Variants in PLAAT1 observed in about 807,000 individuals in gnomAD.
The protein encoded by PLAAT1 is phospholipase A and acyltransferase 1, also known as H-REV107 protein-related protein.
PLAAT1 carries 13 observed loss-of-function variants against 16.4 expected under a neutral mutation model. The ratio of observed to expected loss-of-function variants is 0.79; its 90% CI spans 0.52 to 1.26. The LOEUF is 1.26. PLAAT1 is among the 50% of genes most tolerant of loss of function. The probability of loss-of-function intolerance (pLI) is 0.00; values close to 1 mark genes in which losing one functional copy is unlikely to be tolerated. For missense variants in PLAAT1, 218 were observed against 207.8 expected (o/e 1.05, Z -0.30); for synonymous variants, 73 against 78.4 (o/e 0.93, Z 0.36).
intron 3 of PLAAT1, 73 bp downstream of exon 3, chr3:193,263,308 T>C: frequency 7.1e-7 from 1 of 1,413,072 alleles, no homozygotes; most frequent in Non-Finnish European, 9.6e-7. Flanking sequence ...TTCCCAGGCC[T>C]CAAACCAAAT....
At chr3:193,251,176 T>C (rs113396955) in intron 1 of PLAAT1, among the ~76,000 whole-genome samples, 10 of 152,128 alleles carry the variant, frequency 6.6e-5, no homozygotes, top group African/African-American at 2.4e-4. Context: ...TTCACTCTCA[T>C]GAGAGATTGC....
At chr3:193,245,119 A>G (rs558043255) in intron 1 of PLAAT1, among the ~76,000 whole-genome samples, 1 of 152,342 alleles carries the variant, frequency 6.6e-6, no homozygotes, top group Admixed American at 6.5e-5. Context: ...GTCAACATGC[A>G]GTGCAATAAA....
intron 3 of PLAAT1, among the ~76,000 whole-genome samples, chr3:193,265,887 C>T (rs929411437): frequency 2.6e-5 from 4 of 151,980 alleles, no homozygotes; most frequent in South Asian, 2.1e-4. Context: ...AGGTTCCATT[C>T]CTCTTCTTCT....
chr3:193,263,647 G>A (rs1716673038), intron 3 of PLAAT1, among the ~76,000 whole-genome samples: 1 of 152,138 alleles, frequency 6.6e-6, no homozygotes, highest in Admixed American at 6.5e-5. Flanking sequence ...ATTTTTCATT[G>A]GTGGACAGAG....
At chr3:193,279,537 T>G, downstream of PLAAT1, 1 of 1,074,584 alleles carries the variant, frequency 9.3e-7, no homozygotes, top group Non-Finnish European at 1.4e-6. Flanking sequence ...CAATTATCTC[T>G]GTTGGGCAAA....
chr3:193,272,610 C>T (rs1284118441), downstream of PLAAT1, among the ~76,000 whole-genome samples: 3 of 152,174 alleles, frequency 2.0e-5, no homozygotes, highest in Non-Finnish European at 2.9e-5. Flanking sequence ...ACTACACCCA[C>T]CAGTGGGAGA....
intron 1 of PLAAT1, among the ~76,000 whole-genome samples, chr3:193,241,883 A>C (rs1457462327): frequency 6.6e-6 from 1 of 152,082 alleles, no homozygotes; most frequent in African/African-American, 2.4e-5. Flanking sequence ...TATTAATATG[A>C]CTCGTGCTGG....
chr3:193,263,261 T>TA (rs1308177014), intron 3 of PLAAT1, 26 bp downstream of exon 3: 3 of 1,603,074 alleles, frequency 1.9e-6, no homozygotes, highest in Admixed American at 3.4e-5. Context: ...GAGATATTCT[T>TA]ACATTGAGAA....
chr3:193,264,291 C>T (rs147208287), intron 3 of PLAAT1, among the ~76,000 whole-genome samples: 8 of 152,234 alleles, frequency 5.3e-5, no homozygotes, highest in Non-Finnish European at 7.4e-5. Flanking sequence ...GTTATTTAAA[C>T]GCTGCACCTC....
At chr3:193,252,239 T>G (rs1379990105) in intron 1 of PLAAT1, among the ~76,000 whole-genome samples, 1 of 152,114 alleles carries the variant, frequency 6.6e-6, no homozygotes, top group African/African-American at 2.4e-5. Flanking sequence ...TCTTGTGAAC[T>G]CAGTCATCAC....
downstream of PLAAT1, chr3:193,274,837 G>T: frequency 3.1e-6 from 2 of 648,066 alleles, no homozygotes; most frequent in Non-Finnish European, 5.2e-6. Context: ...TACAGGAAAT[G>T]CATTTTTTTC....
At chr3:193,243,260 G>A (rs189367042) in intron 1 of PLAAT1, among the ~76,000 whole-genome samples, 71 of 152,288 alleles carry the variant, frequency 4.7e-4, no homozygotes, top group Admixed American at 2.7e-3. Context: ...AATTGGTTCT[G>A]TGTTTTCTCA....
chr3:193,276,845 A>G, intron 2 of PLAAT1: 6 of 1,592,490 alleles, frequency 3.8e-6, no homozygotes, highest in Non-Finnish European at 5.2e-6. Context: ...TGAAAAACAA[A>G]TACCATTATT....
At chr3:193,280,203 A>G (rs1199883963), downstream of PLAAT1, among the ~76,000 whole-genome samples, 1 of 151,562 alleles carries the variant, frequency 6.6e-6, no homozygotes, top group Non-Finnish European at 1.5e-5. Context: ...GGCGCCCACC[A>G]CCATGCATGG....
downstream of PLAAT1, among the ~76,000 whole-genome samples, chr3:193,277,950 C>T (rs1484420201): frequency 6.6e-6 from 1 of 152,140 alleles, no homozygotes; most frequent in African/African-American, 2.4e-5. Flanking sequence ...AATACAGGCA[C>T]CTGCCACGAC....
downstream of PLAAT1, chr3:193,279,248 A>G: frequency 2.6e-6 from 2 of 768,478 alleles, no homozygotes; most frequent in Non-Finnish European, 4.3e-6. Context: ...GTATATAGAA[A>G]TAGCCTCACA....
chr3:193,247,755 T>C (rs532028282), intron 1 of PLAAT1, among the ~76,000 whole-genome samples: 4 of 152,344 alleles, frequency 2.6e-5, no homozygotes, highest in South Asian at 2.1e-4. Flanking sequence ...CCTCCTGTTA[T>C]TGATTTCTAG....
upstream of PLAAT1, chr3:193,241,015 G>T (rs1335179369): frequency 1.3e-5 from 5 of 381,536 alleles, no homozygotes; most frequent in Non-Finnish European, 2.2e-5. Context: ...AGCCGGGGGC[G>T]GAATAACTGG....
At chr3:193,274,383 A>G (rs1306421494), downstream of PLAAT1, among the ~76,000 whole-genome samples, 1 of 152,220 alleles carries the variant, frequency 6.6e-6, no homozygotes, top group Non-Finnish European at 1.5e-5. Context: ...GCCCCTAAAC[A>G]CTATACACTG....
Sources: allele counts gnomAD v4.1 joint callset (sites outside exome capture counted in the v4.1 genomes callset), GRCh38; gene constraint gnomAD v4.1.1; transcripts MANE v1.5; gene names NCBI Gene and HGNC (gene_info 2026-07-23, HGNC 2026-07-21).